The following FAM161B variants were observed in gnomAD, a reference collection of about 807,000 sequenced individuals.
FAM161B encodes FAM161 centrosomal protein B.
Under a neutral mutation model 61.5 loss-of-function variants are expected in FAM161B, and 46 were observed. The observed-to-expected ratio is 0.75, with a 90% CI of 0.59 to 0.96. FAM161B has a LOEUF of 0.96. Ranked by LOEUF, FAM161B falls within the 40% of genes least tolerant of loss-of-function variation. The pLI is 0.00. For missense variants in FAM161B, 774 were observed against 800.7 expected, an observed-to-expected ratio of 0.97 and a Z score of 0.40; for synonymous variants, 284 against 302.7, an observed-to-expected ratio of 0.94 and a Z score of 0.64.
rs1566676469 is a variant in FAM161B, at chr14:73,946,392, CAGACTGAA to C, written c.260_267del (p.Phe87Ter). On this transcript the variant is annotated frameshift_variant, in exon 2 of 9. Coordinates refer to ENST00000286544, the MANE Select transcript of FAM161B (RefSeq NM_152445.3). LOFTEE classifies it high-confidence loss of function. ...GAGAGGTTTTCATCACTCTCTGGGT[CAGACTGAA>C]AGAGAGACTCCAACAGACACCATCT... 6.2e-7 allele frequency: 1 copy of C among 1,614,118 alleles called. No individual in the cohort carries two copies.
At chr14:73,928,727 T>TC (rs2055869444), downstream of FAM161B, among the ~76,000 whole-genome samples, 1 of 152,104 alleles carries the variant, frequency 6.6e-6, no homozygotes, top group Non-Finnish European at 1.5e-5. Context: ...GAGGATCACT[T>TC]GAGGCCAGAA....
the FAM161B span, among the ~76,000 whole-genome samples, chr14:73,924,492 A>G: frequency 6.6e-6 from 1 of 152,168 alleles, no homozygotes; most frequent in Non-Finnish European, 1.5e-5. Context: ...TGACTCAGGA[A>G]ACAGAATGCA....
At chr14:73,948,894 T>C (rs2056094469) in intron 1 of FAM161B, among the ~76,000 whole-genome samples, 2 of 151,160 alleles carry the variant, frequency 1.3e-5, no homozygotes, top group East Asian at 1.9e-4. Flanking sequence ...GGTGGATCAC[T>C]GGAGGCACGC....
Position 73,944,597 on chromosome 14 carries a change from C to T in FAM161B, c.663G>A (p.Val221=). 4 of 1,614,094 alleles carry T rather than the reference C, an allele frequency of 2.5e-6. No individual in the cohort carries two copies. Among genetic ancestry groups the T allele is most frequent in the Non-Finnish European group, 3.4e-6 (4 of 1,180,028 alleles). ...AGAGGGGCAGGTAGACATGTGCAGG[C>T]ACAGGCTGTGCCCGGAACTGCCTGT... ...ECHRQFRAQP[V]PAHVYLPLYQ... The change falls in exon 3 of 9, where the codon GTG becomes GTA. Residue 221 remains valine (V), a synonymous_variant. Coordinates refer to ENST00000286544, the MANE Select transcript of FAM161B (RefSeq NM_152445.3).
Position 73,932,596 on chromosome 14 carries a change from G to A in FAM161B, c.*1660C>T, listed in dbSNP as rs1489314269. The A allele has an allele frequency of 2.5e-6, 1 of 393,756 alleles. No homozygotes were observed. The highest frequency in any genetic ancestry group is 4.9e-6 in the Non-Finnish European group (1 of 202,972). 24.4% of individuals were successfully genotyped at this position (393,756 alleles called of 1,614,324 possible). A position where few individuals can be genotyped will look rare whatever the true frequency, so the allele number is the denominator to read the frequency against. ...AGGCACTCTTGCTATCAGTCATCCTGTCTCCACAGCTACTGAGAAAATATC... is the reference window on the plus strand; with the variant it reads ...AGGCACTCTTGCTATCAGTCATCCTATCTCCACAGCTACTGAGAAAATATC... On this transcript the variant is annotated 3_prime_UTR_variant, in exon 9 of 9. Transcript: ENST00000286544.
At chr14:73,923,483 A>G in the FAM161B span, 32 of 1,613,818 alleles carry the variant, frequency 2.0e-5, no homozygotes, top group African/African-American at 5.3e-5. Flanking sequence ...GGAGGCAATC[A>G]TATGAAGTTT....
intron 5 of FAM161B, among the ~76,000 whole-genome samples, chr14:73,939,670 G>A (rs770467577): frequency 6.6e-6 from 1 of 152,202 alleles, no homozygotes; most frequent in Non-Finnish European, 1.5e-5. Flanking sequence ...TGCACATTCA[G>A]AGAGAACTGG....
rs553139139 is a variant in FAM161B, at chr14:73,937,857, C to T, written c.1565+91G>A. Reference sequence around the variant, plus strand: ...TGTGATTACAGGAGCCTACCTACCTCGATAACTCTATTTTGCATTTTCTGG... The same window carrying T: ...TGTGATTACAGGAGCCTACCTACCTTGATAACTCTATTTTGCATTTTCTGG... On this transcript the variant is annotated intron_variant, in intron 6 of 8. Transcript: ENST00000286544. The T allele has an allele frequency of 8.0e-4, 1,267 of 1,581,890 alleles. 1 individual carries two copies. The highest frequency in any genetic ancestry group is 8.7e-4 in the Non-Finnish European group (1,013 of 1,163,956).
the FAM161B span, among the ~76,000 whole-genome samples, chr14:73,925,675 G>A: frequency 3.3e-5 from 5 of 152,034 alleles, no homozygotes; most frequent in East Asian, 5.8e-4. Flanking sequence ...TGATCCACCC[G>A]CCTCAGCCTC....
rs547369724 is a variant in FAM161B, at chr14:73,933,969, G to A, written c.*287C>T. 6 of 258,770 alleles carry A rather than the reference G, an allele frequency of 2.3e-5. No individual in the cohort carries two copies. Among genetic ancestry groups the A allele is most frequent in the African/African-American group, 1.1e-4 (5 of 44,042 alleles). 16.0% of individuals were successfully genotyped at this position (258,770 alleles called of 1,614,324 possible). ...CCCAAGTAGCTAGGATTACAGGCAC[G>A]TGTCATCACGCCCAGCTAATTTTTG... On this transcript the variant is annotated 3_prime_UTR_variant, in exon 9 of 9. Transcript: ENST00000286544.
At chr14:73,944,920 G>A (rs976941477) in intron 2 of FAM161B, 35 bp from the exon 3 acceptor site, 1 of 1,480,700 alleles carries the variant, frequency 6.8e-7, no homozygotes, top group East Asian at 2.3e-5. Flanking sequence ...TGGAGGACAG[G>A]GCAGTCAGGA....
intron 5 of FAM161B, among the ~76,000 whole-genome samples, chr14:73,939,970 T>A (rs1290586500): frequency 6.6e-6 from 1 of 152,218 alleles, no homozygotes; most frequent in Non-Finnish European, 1.5e-5. Context: ...TACTGAGCAA[T>A]TAATTAGCCC....
At position 73,944,351 on chromosome 14, in the gene FAM161B, A is replaced by T. The variant is rs1198828598; in HGVS notation, c.909T>A (p.Leu303=). 3 of 1,590,556 alleles carry T rather than the reference A, an allele frequency of 1.9e-6. No individual in the cohort carries two copies. Among genetic ancestry groups the T allele is most frequent in the Non-Finnish European group, 2.6e-6 (3 of 1,164,088 alleles). The change falls in exon 3 of 9, where the codon CTT becomes CTA. Residue 303 remains leucine, a synonymous_variant. Transcript: ENST00000286544. ...TGTCTTTACCCTGGAGTTTATCCCCAAGGGCTGGCTCCAGAATGGACTTGG... is the reference window on the plus strand; with the variant it reads ...TGTCTTTACCCTGGAGTTTATCCCCTAGGGCTGGCTCCAGAATGGACTTGG... ...RIPKSILEPA[L]GDKLQEAELF... is the part of the protein sequence containing the mutation.
intron 3 of FAM161B, among the ~76,000 whole-genome samples, chr14:73,943,961 G>A (rs926480993): frequency 6.6e-6 from 1 of 152,206 alleles, no homozygotes; most frequent in African/African-American, 2.4e-5. Context: ...TCACCAGGAC[G>A]AAGGAGCCAT....
In FAM161B at chr14:73,944,904, T is replaced by C. The variant is rs763115386; in HGVS notation, c.375-19A>G. 20 of 1,500,604 alleles carry C rather than the reference T, an allele frequency of 1.3e-5. No homozygotes were observed. Among genetic ancestry groups the C allele is most frequent in the Non-Finnish European group, 1.7e-5 (19 of 1,129,008 alleles). The allele number at this position is 1,500,604 out of a possible 1,614,324, so 93.0% of individuals were successfully genotyped here. A position where few individuals can be genotyped will look rare whatever the true frequency, so the allele number is the denominator to read the frequency against. On this transcript the variant is annotated intron_variant, in intron 2 of 8. Transcript: ENST00000286544. ...GCCACACCTGGGAAAAAAGCAGATC[T>C]GTGAGTGGAGGACAGGGCAGTCAGG... is the stretch of plus-strand genomic sequence containing the variant.
chr14:73,932,094 C>T (rs1442030315), downstream of FAM161B: 1 of 451,920 alleles, frequency 2.2e-6, no homozygotes. Flanking sequence ...ACTTGAATCT[C>T]CCCTTGGCCC....
rs1442045067 is a variant in FAM161B, at chr14:73,940,848, G to A, written c.1400+78C>T. ...TTGAGGTATCTCTGATAACAGGAAA[G>A]GAGGCCCCTTGGCAGGGAGGTTTCC... On this transcript the variant is annotated intron_variant, in intron 5 of 8. Coordinates refer to ENST00000286544, the MANE Select transcript of FAM161B (RefSeq NM_152445.3). The A allele has an allele frequency of 1.0e-5, 16 of 1,526,220 alleles. No homozygotes were observed. The Admixed American group carries it at 3.4e-4, about 32-fold the overall frequency. The allele number at this position is 1,526,220 out of a possible 1,614,324, so 94.5% of individuals were successfully genotyped here. A position where few individuals can be genotyped will look rare whatever the true frequency, so the allele number is the denominator to read the frequency against.
chr14:73,943,029 A>C (rs1238602135), intron 3 of FAM161B, among the ~76,000 whole-genome samples: 1 of 151,904 alleles, frequency 6.6e-6, no homozygotes, highest in Non-Finnish European at 1.5e-5. Flanking sequence ...ATCTACACTT[A>C]CTGAGCACTT....
At chr14:73,939,538 G>C (rs1347406737) in intron 5 of FAM161B, among the ~76,000 whole-genome samples, 1 of 152,202 alleles carries the variant, frequency 6.6e-6, no homozygotes, top group Non-Finnish European at 1.5e-5. Context: ...TACCCAGCAT[G>C]CCAGTGGAAA....
Sources: gnomAD v4.1 joint callset for allele counts (sites outside exome capture counted in the v4.1 genomes callset) on GRCh38, gnomAD v4.1.1 for gene constraint, MANE v1.5 for transcripts, NCBI Gene and HGNC (gene_info 2026-07-23, HGNC 2026-07-21) for gene names.